ELF2: variants seen among roughly 807,000 people sequenced by gnomAD.
ELF2 encodes E74 like ETS transcription factor 2, also known as ETS-related transcription factor Elf-2.
In ELF2, 11 loss-of-function variants were observed where a neutral mutation model predicts 54.8. That is an observed-to-expected ratio of 0.20 (90% CI 0.13 to 0.33). ELF2 has a LOEUF of 0.33. ELF2 is among the 10% of genes least tolerant of loss of function. The pLI is 1.00. For synonymous variants in ELF2, 203 were observed against 245.1 expected (o/e 0.83, Z 1.61); for missense variants, 513 against 703.0 (o/e 0.73, Z 3.06).
rs1241203866 is a variant in ELF2 at position 139,073,520 on chromosome 4, T to C, written c.286A>G (p.Ile96Val). The C allele has an allele frequency of 3.1e-6, 5 of 1,609,914 alleles. No homozygotes were observed. Among genetic ancestry groups the C allele is most frequent in the Non-Finnish European group, 4.2e-6 (5 of 1,177,252 alleles). Reference sequence around the variant, plus strand: ...TGAAGCAGGGCTTCAGCAGCTTCAATTGTCTTATCTGTACAGTGTGCATTA... The same window carrying C: ...TGAAGCAGGGCTTCAGCAGCTTCAACTGTCTTATCTGTACAGTGTGCATTA... Reference protein sequence around the residue: ...SSNAHCTDKTIEAAEALLHME... With the variant: ...SSNAHCTDKTVEAAEALLHME... Residue 96 changes from isoleucine to valine, a missense_variant, in exon 5 of 10, where the codon ATT becomes GTT. By Grantham distance (29) the Ile-to-Val change is conservative. Coordinates refer to ENST00000686138, the MANE Select transcript of ELF2 (RefSeq NM_001331036.3).
rs1381908676 is a variant in ELF2 at position 139,123,659 on chromosome 4, T to TAA, written c.238+1503_238+1504dup. On this transcript the variant is annotated intron_variant, in intron 4 of 9. Transcript: ENST00000686138. ...TTGGTGCTATAGTTTTTATCTTTTT[T>TAA]AAAGTTTCCAACTTGCTATCAAAAT... 2.6e-5 allele frequency among the ~76,000 whole-genome samples: 4 copies of TAA among 152,350 alleles called. No homozygotes were observed. The East Asian group carries it at 7.7e-4, about 29-fold the overall frequency.
rs146270556 is a variant in ELF2 at position 139,116,961 on chromosome 4, T to C, written c.238+8203A>G. 1.9e-4 allele frequency among the ~76,000 whole-genome samples: 29 copies of C among 152,280 alleles called. No individual in the cohort carries two copies. In the East Asian group the frequency reaches 4.2e-3, roughly 22 times the overall value. ...AACTGCATTTTAAAAACCTAAACTT[T>C]CATTTTTATTTTTAAAAAGCACTGC... On this transcript the variant is annotated intron_variant, in intron 4 of 9. Coordinates refer to ENST00000686138, the MANE Select transcript of ELF2 (RefSeq NM_001331036.3).
At position 139,072,028 on chromosome 4, in the gene ELF2, C is replaced by A. The variant is rs1288712242; in HGVS notation, c.364G>T (p.Val122Phe). Reference protein sequence around the residue: ...RDSRSPVEVFVPPCVSTPEFI... With the variant: ...RDSRSPVEVFFPPCVSTPEFI... ...TCTGGAGTTGATACACAAGGAGGAACAAACACTTCCACTATAAAAAAAAGT... is the reference window on the plus strand; with the variant it reads ...TCTGGAGTTGATACACAAGGAGGAAAAAACACTTCCACTATAAAAAAAAGT... The change falls in exon 6 of 10, where the codon GTT (valine) becomes TTT (phenylalanine). Residue 122 changes from valine to phenylalanine, a missense_variant. Around this residue, in one of 3 missense-constraint regions of ELF2, gnomAD observed 203 missense variants for 245.9 expected, o/e 0.83. Coordinates refer to ENST00000686138, the MANE Select transcript of ELF2 (RefSeq NM_001331036.3). The A allele has an allele frequency of 6.2e-7, 1 of 1,608,750 alleles. No individual in the cohort carries two copies. Among genetic ancestry groups the A allele is most frequent in the African/African-American group, 1.3e-5 (1 of 74,582 alleles).
chr4:139,085,486 A>G (rs1468868355), intron 4 of ELF2, among the ~76,000 whole-genome samples: 1 of 152,206 alleles, frequency 6.6e-6, no homozygotes, highest in Admixed American at 6.5e-5. Flanking sequence ...TTCAGTGGTA[A>G]TATTAATGCG....
At chr4:139,128,207 G>A (rs939687650) in intron 3 of ELF2, among the ~76,000 whole-genome samples, 1 of 151,904 alleles carries the variant, frequency 6.6e-6, no homozygotes, top group African/African-American at 2.4e-5. Flanking sequence ...CCCAGTAGGT[G>A]AAGGCTGCAG....
chr4:139,160,417 C>T (rs1311574726), intron 1 of ELF2, among the ~76,000 whole-genome samples: 1 of 152,046 alleles, frequency 6.6e-6, no homozygotes, highest in Non-Finnish European at 1.5e-5. Flanking sequence ...TCATGGAGAC[C>T]ATAGTACAAG....
At chr4:139,159,869 T>C (rs930336336) in intron 1 of ELF2, among the ~76,000 whole-genome samples, 12 of 151,894 alleles carry the variant, frequency 7.9e-5, no homozygotes, top group African/African-American at 2.7e-4. Context: ...TCTGCCCATA[T>C]AACAGCATGG....
intron 4 of ELF2, among the ~76,000 whole-genome samples, chr4:139,105,485 A>G (rs1026480105): frequency 6.6e-6 from 1 of 152,200 alleles, no homozygotes; most frequent in Non-Finnish European, 1.5e-5. Context: ...ATTTTTTATG[A>G]TGGGTATAAT....
intron 3 of ELF2, among the ~76,000 whole-genome samples, chr4:139,126,235 A>G (rs1278081352): frequency 6.6e-6 from 1 of 152,194 alleles, no homozygotes; most frequent in Non-Finnish European, 1.5e-5. Flanking sequence ...ATCTCCAGGA[A>G]CCAGAGGAAA....
At chr4:139,071,096 G>A (rs1464784773) in intron 6 of ELF2, among the ~76,000 whole-genome samples, 1 of 151,988 alleles carries the variant, frequency 6.6e-6, no homozygotes, top group Admixed American at 6.6e-5. Context: ...GGGATGGGGG[G>A]AGCAGAAATT....
chr4:139,157,986 G>C (rs138625839), intron 1 of ELF2, among the ~76,000 whole-genome samples: 1 of 152,210 alleles, frequency 6.6e-6, no homozygotes, highest in African/African-American at 2.4e-5. Context: ...ACTCGCATCC[G>C]TGTGAAGAGA....
intron 4 of ELF2, among the ~76,000 whole-genome samples, chr4:139,098,828 A>C (rs764559313): frequency 1.2e-4 from 19 of 152,178 alleles, no homozygotes; most frequent in Non-Finnish European, 2.2e-4. Flanking sequence ...CATTCATTTA[A>C]TTTTGCTTTA....
At chr4:139,131,250 G>A (rs761821788) in intron 3 of ELF2, among the ~76,000 whole-genome samples, 2 of 152,132 alleles carry the variant, frequency 1.3e-5, no homozygotes, top group Non-Finnish European at 1.5e-5. Flanking sequence ...GTCATTTGTT[G>A]TTTATCTGAA....
intron 1 of ELF2, among the ~76,000 whole-genome samples, chr4:139,153,708 T>G (rs1014654137): frequency 6.6e-6 from 1 of 152,106 alleles, no homozygotes; most frequent in African/African-American, 2.4e-5. Flanking sequence ...ACAATATAAA[T>G]TAAAAGCTTA....
intron 1 of ELF2, among the ~76,000 whole-genome samples, chr4:139,141,385 G>A (rs986442678): frequency 3.9e-5 from 6 of 152,000 alleles, no homozygotes; most frequent in African/African-American, 9.7e-5. Context: ...CACTTTATAC[G>A]AAGGACTTCA....
rs533867325 is a variant in ELF2, at chr4:139,172,852, G to A, written c.-252+4115C>T. Among the ~76,000 whole-genome samples the A allele has an allele frequency of 2.0e-4, 25 of 126,174 alleles. No homozygotes were observed. In the South Asian group the frequency reaches 6.9e-3, roughly 35 times the overall value. 82.8% of individuals were successfully genotyped at this position (126,174 alleles called of 152,430 possible). A position where few individuals can be genotyped will look rare whatever the true frequency, so the allele number is the denominator to read the frequency against. ...TACCTGAGATTTCAGGCATCCACTG[G>A]GGGTCTTGGAATGTATCCCACACAG... On this transcript the variant is annotated intron_variant, in intron 1 of 9. Transcript: ENST00000686138.
intron 4 of ELF2, among the ~76,000 whole-genome samples, chr4:139,109,689 T>C (rs1734765357): frequency 6.6e-6 from 1 of 152,242 alleles, no homozygotes; most frequent in African/African-American, 2.4e-5. Context: ...GTGTCCTTTG[T>C]AGCAACATGG....
intron 1 of ELF2, among the ~76,000 whole-genome samples, chr4:139,151,048 G>GAAAGAAAGAAAA (rs1739887967): frequency 2.5e-5 from 2 of 81,610 alleles, no homozygotes; most frequent in African/African-American, 7.3e-5. Flanking sequence ...AAGAAAGAAA[G>GAAAGAAAGAAAA]AAAGAAAGAA....
chr4:139,140,753 CAAA>C (rs562017566), intron 1 of ELF2, among the ~76,000 whole-genome samples: 14 of 118,332 alleles, frequency 1.2e-4, no homozygotes, highest in African/African-American at 9.5e-5. Context: ...GACCCTGTCT[CAAA>C]AAAAAAAAAA....
Sources: gnomAD v4.1 joint callset for allele counts (sites outside exome capture counted in the v4.1 genomes callset) on GRCh38, gnomAD v4.1.1 for gene constraint, gnomAD v4.1.1 regional missense constraint, MANE v1.5 for transcripts, NCBI Gene and HGNC (gene_info 2026-07-23, HGNC 2026-07-21) for gene names.